The following FARSB variants were observed in gnomAD, a reference collection of about 807,000 sequenced individuals.
FARSB encodes phenylalanine--tRNA ligase beta subunit.
FARSB carries 40 observed loss-of-function variants against 69.6 expected under a neutral mutation model. That is an observed-to-expected ratio of 0.57 (90% CI 0.45 to 0.75). The LOEUF is 0.75. Ranked by LOEUF, FARSB falls within the 30% of genes least tolerant of loss-of-function variation. FARSB has a pLI of 0.00. For synonymous variants in FARSB, 235 were observed against 247.2 expected, an observed-to-expected ratio of 0.95 and a Z score of 0.46; for missense variants, 632 against 722.9, an observed-to-expected ratio of 0.87 and a Z score of 1.44.
At chr2:222,643,168 G>A (rs1349727978) in intron 2 of FARSB, among the ~76,000 whole-genome samples, 163 bp from the exon 3 acceptor site, 2 of 152,192 alleles carry the variant, frequency 1.3e-5, no homozygotes, top group Admixed American at 6.6e-5. Flanking sequence ...AAAATATTAA[G>A]TGTTATAATC....
intron 16 of FARSB, among the ~76,000 whole-genome samples, chr2:222,592,660 T>C (rs752030477): frequency 1.3e-4 from 20 of 149,942 alleles, no homozygotes; most frequent in Non-Finnish European, 8.9e-5. Flanking sequence ...TTCTATAGAA[T>C]AGTGGAGGCC....
At chr2:222,631,783 A>G in intron 7 of FARSB, 109 bp from the exon 8 acceptor site, 1 of 733,600 alleles carries the variant, frequency 1.4e-6, no homozygotes, top group East Asian at 2.7e-5. Context: ...AACATATTAA[A>G]AACTAACACC....
Position 222,615,786 on chromosome 2 carries a change from C to T in FARSB, c.1345-1858G>A, listed in dbSNP as rs755061760. Among the ~76,000 whole-genome samples the T allele has an allele frequency of 3.3e-5, 5 of 152,330 alleles. No individual in the cohort carries two copies. The South Asian group carries it at 1.0e-3, about 32-fold the overall frequency. On this transcript the variant is annotated intron_variant, in intron 14 of 16. Transcript: ENST00000281828. ...AAAAGAGAACGTCTTTCCCATCACACTCACTATACCAACAAGCTGCTACTC... is the reference window on the plus strand; with the variant it reads ...AAAAGAGAACGTCTTTCCCATCACATTCACTATACCAACAAGCTGCTACTC...
intron 15 of FARSB, among the ~76,000 whole-genome samples, chr2:222,609,408 C>A (rs908811992): frequency 6.6e-6 from 1 of 152,210 alleles, no homozygotes; most frequent in African/African-American, 2.4e-5. Context: ...ATAGCTCACA[C>A]AGCAGCCTGA....
chr2:222,630,020 T>G, intron 9 of FARSB, 93 bp downstream of exon 9: 2 of 764,918 alleles, frequency 2.6e-6, no homozygotes, highest in South Asian at 3.3e-5. Flanking sequence ...GGATTATAGG[T>G]GTGAGCCACC....
At chr2:222,629,594 C>G (rs1452871264) in intron 9 of FARSB, among the ~76,000 whole-genome samples, 1 of 152,160 alleles carries the variant, frequency 6.6e-6, no homozygotes, top group Non-Finnish European at 1.5e-5. Context: ...CAGTAACTTG[C>G]CCTTACAAAC....
intron 2 of FARSB, among the ~76,000 whole-genome samples, chr2:222,646,227 A>G (rs571984477): frequency 1.3e-3 from 203 of 152,342 alleles, no homozygotes; most frequent in African/African-American, 4.3e-3. Flanking sequence ...GAGTCACTAC[A>G]GACACCAAGA....
intron 2 of FARSB, 21 bp downstream of exon 2, chr2:222,648,719 A>C: frequency 5.5e-6 from 8 of 1,461,264 alleles, no homozygotes; most frequent in Non-Finnish European, 7.7e-6. Flanking sequence ...TTTGAAAAAT[A>C]GACAAATATC....
intron 14 of FARSB, among the ~76,000 whole-genome samples, chr2:222,618,078 A>G (rs944185000): frequency 2.6e-5 from 4 of 152,186 alleles, no homozygotes; most frequent in African/African-American, 9.6e-5. Context: ...ATAGGAAACT[A>G]GACCTCAGAA....
At chr2:222,575,292 T>A (rs1003702932) in intron 16 of FARSB, among the ~76,000 whole-genome samples, 2 of 152,232 alleles carry the variant, frequency 1.3e-5, no homozygotes, top group Non-Finnish European at 2.9e-5. Context: ...GAGTCTAGGC[T>A]TGTGAAAAAT....
intron 3 of FARSB, among the ~76,000 whole-genome samples, chr2:222,642,538 C>G (rs899755329): frequency 9.2e-5 from 14 of 152,224 alleles, no homozygotes; most frequent in Non-Finnish European, 1.8e-4. Flanking sequence ...CAGTGAACTA[C>G]TCATTCCAAT....
At chr2:222,639,744 T>C (rs1462253736) in intron 4 of FARSB, 49 bp from the exon 5 acceptor site, 1 of 730,344 alleles carries the variant, frequency 1.4e-6, no homozygotes, top group East Asian at 2.8e-5. Context: ...GGCTTTTCTT[T>C]GTAATATCTT....
chr2:222,631,775 C>A, intron 7 of FARSB, 101 bp from the exon 8 acceptor site: 1 of 778,754 alleles, frequency 1.3e-6, no homozygotes, highest in South Asian at 1.6e-5. Flanking sequence ...AAATGTAAAA[C>A]ATATTAAAAA....
intron 2 of FARSB, among the ~76,000 whole-genome samples, chr2:222,646,702 G>A (rs748574535): frequency 3.3e-5 from 5 of 152,112 alleles, no homozygotes; most frequent in Non-Finnish European, 5.9e-5. Flanking sequence ...TATCCATCTC[G>A]TCATCTTGTA....
intron 10 of FARSB, among the ~76,000 whole-genome samples, chr2:222,626,169 A>G (rs1421381980): frequency 6.7e-6 from 1 of 150,270 alleles, no homozygotes; most frequent in Non-Finnish European, 1.5e-5. Flanking sequence ...GAATCGCTTG[A>G]ACCCAGGAGG....
chr2:222,591,893 C>G (rs748467745), intron 16 of FARSB, among the ~76,000 whole-genome samples: 2 of 152,080 alleles, frequency 1.3e-5, no homozygotes, highest in Non-Finnish European at 2.9e-5. Context: ...CATGTAGATA[C>G]AAGAATGAGC....
At chr2:222,577,724 A>C (rs1477030061) in intron 16 of FARSB, among the ~76,000 whole-genome samples, 1 of 152,230 alleles carries the variant, frequency 6.6e-6, no homozygotes, top group Non-Finnish European at 1.5e-5. Context: ...AATATTTAGA[A>C]TCGTAACTCC....
chr2:222,581,929 T>C (rs1157876685), intron 16 of FARSB, among the ~76,000 whole-genome samples: 2 of 152,224 alleles, frequency 1.3e-5, no homozygotes, highest in African/African-American at 2.4e-5. Context: ...CTGGTGACCA[T>C]GGCTGTGGAG....
intron 7 of FARSB, among the ~76,000 whole-genome samples, chr2:222,632,828 A>C (rs1260196299): frequency 6.6e-6 from 1 of 151,832 alleles, no homozygotes; most frequent in African/African-American, 2.4e-5. Context: ...ACAAAACAAA[A>C]AACAACAACA....
Sources: allele counts gnomAD v4.1 joint callset (sites outside exome capture counted in the v4.1 genomes callset), GRCh38; gene constraint gnomAD v4.1.1; transcripts MANE v1.5; gene names NCBI Gene and HGNC (gene_info 2026-07-23, HGNC 2026-07-21).